JMJD6: variants seen among roughly 807,000 people sequenced by gnomAD.
The protein encoded by JMJD6 is jumonji domain containing 6, arginine demethylase and lysine hydroxylase.
In JMJD6, 17 loss-of-function variants were observed where a neutral mutation model predicts 45.8. The ratio of observed to expected loss-of-function variants is 0.37; its 90% CI spans 0.25 to 0.56. The LOEUF (loss-of-function observed/expected upper bound fraction) is 0.56, where lower values mean the gene tolerates loss of function less well. JMJD6 is among the 20% of genes least tolerant of loss of function. The probability of loss-of-function intolerance (pLI) is 0.79; values close to 1 mark genes in which losing one functional copy is unlikely to be tolerated. For missense variants in JMJD6, 470 were observed against 517.5 expected (o/e 0.91, Z 0.89); for synonymous variants, 221 against 196.3 (o/e 1.13, Z -1.05).
chr17:76,713,401 A>G (rs189337688), exon 7 of JMJD6: 8 of 152,262 alleles, frequency 5.3e-5, no homozygotes, highest in Admixed American at 1.3e-4. Flanking sequence ...CCTGGCCGAA[A>G]TTTCTGAACA....
chr17:76,716,401 T>A (rs1233336294), downstream of JMJD6: 2 of 392,126 alleles, frequency 5.1e-6, no homozygotes, highest in Non-Finnish European at 9.4e-6. Flanking sequence ...AGCCTTGTGG[T>A]TGACTGGCTC....
downstream of JMJD6, chr17:76,714,507 C>T (rs967735797): frequency 3.9e-5 from 6 of 152,338 alleles, no homozygotes; most frequent in Admixed American, 3.9e-4. Context: ...CCCGCCACCA[C>T]TCCACTCCTT....
chr17:76,718,510 T>A lies in JMJD6; in HGVS notation c.*219A>T, dbSNP rs2076784419. On this transcript the variant is annotated 3_prime_UTR_variant, in exon 6 of 6. Coordinates refer to ENST00000397625, the MANE Select transcript of JMJD6 (RefSeq NM_015167.3). ...AAGGATTTTCTTGGCACTATTCACA[T>A]TCTCTTGCCTGAGTAAAACAAGCCG... The A allele has an allele frequency of 3.0e-6, 4 of 1,351,108 alleles. No individual in the cohort carries two copies. The highest frequency in any genetic ancestry group is 3.0e-5 in the African/African-American group (2 of 66,750). The allele number at this position is 1,351,108 out of a possible 1,614,324, so 83.7% of individuals were successfully genotyped here. A position where few individuals can be genotyped will look rare whatever the true frequency, so the allele number is the denominator to read the frequency against.
chr17:76,723,444 CTTTTT>C (rs60972573), intron 3 of JMJD6, among the ~76,000 whole-genome samples: 1 of 137,902 alleles, frequency 7.3e-6, no homozygotes, highest in South Asian at 2.3e-4. Flanking sequence ...AATGTACTTT[CTTTTT>C]TTTTTTTTTG....
At chr17:76,715,201 G>C (rs762967206), downstream of JMJD6, 1 of 152,206 alleles carries the variant, frequency 6.6e-6, no homozygotes, top group African/African-American at 2.4e-5. Flanking sequence ...TTAAAAAGCA[G>C]GAGTAGCAAC....
rs1568004053 is a variant in JMJD6, at chr17:76,726,364, T to C, written c.112A>G (p.Ser38Gly). 3.1e-6 allele frequency: 5 copies of C among 1,592,966 alleles called. No individual in the cohort carries two copies. In the East Asian group the frequency reaches 1.2e-4, roughly 38 times the overall value. ...RHNYYESFSL[S>G]PAAVADNVER... Reference sequence around the variant, plus strand: ...CCGCTCACCGCCACGGCCGCCGGGCTCAGCGAGAAGCTCTCGTAGTAGTTG... The same window carrying C: ...CCGCTCACCGCCACGGCCGCCGGGCCCAGCGAGAAGCTCTCGTAGTAGTTG... The change falls in exon 1 of 6, where the codon AGC becomes GGC. Residue 38 changes from serine (S) to glycine (G), a missense_variant. Ser to Gly is a moderately conservative substitution (Grantham distance 56). This residue lies in a region of JMJD6 where 346 missense variants were observed against 339.5 expected (regional missense o/e 1.02). Transcript: ENST00000397625.
intron 4 of JMJD6, among the ~76,000 whole-genome samples, chr17:76,720,889 C>T (rs2076815595): frequency 6.6e-6 from 1 of 152,122 alleles, no homozygotes; most frequent in African/African-American, 2.4e-5. Flanking sequence ...CTTTCCTTTC[C>T]ACAGCACAGC....
At chr17:76,725,368 G>A (rs1045273562) in intron 2 of JMJD6, 99 bp downstream of exon 2, 32 of 1,165,390 alleles carry the variant, frequency 2.7e-5, no homozygotes, top group Middle Eastern at 2.9e-4. Context: ...ATCGCACCAC[G>A]GCACTGCAGC....
intron 5 of JMJD6, 66 bp downstream of exon 5, chr17:76,720,294 C>T: frequency 6.9e-7 from 1 of 1,447,084 alleles, no homozygotes; most frequent in Non-Finnish European, 9.7e-7. Context: ...AAGAGTCACA[C>T]CTGGTTATGA....
intron 3 of JMJD6, among the ~76,000 whole-genome samples, chr17:76,722,516 G>A (rs2076837677): frequency 6.6e-6 from 1 of 152,046 alleles, no homozygotes; most frequent in East Asian, 1.9e-4. Context: ...AAGGAGGCCA[G>A]CCTGGGTAAC....
rs771733762 is a variant in JMJD6, at chr17:76,718,657, G to T, written c.*72C>A. The T allele has an allele frequency of 2.5e-6, 4 of 1,571,162 alleles. No individual in the cohort carries two copies. Reference sequence around the variant, plus strand: ...AGGCCTCCCCTTGTCTGCAGGACTGGACAGGCCACCCTCCCCAGGCCCTGC... The same window carrying T: ...AGGCCTCCCCTTGTCTGCAGGACTGTACAGGCCACCCTCCCCAGGCCCTGC... On this transcript the variant is annotated 3_prime_UTR_variant, in exon 6 of 6. Transcript: ENST00000397625.
At position 76,726,354 on chromosome 17, in the gene JMJD6, G is replaced by C; in HGVS notation, c.122C>G (p.Ala41Gly). The change falls in exon 1 of 6, where the codon GCC becomes GGC. Residue 41 changes from alanine to glycine, a missense_variant. By Grantham distance (60) the Ala-to-Gly change is moderately conservative. Coordinates refer to ENST00000397625, the MANE Select transcript of JMJD6 (RefSeq NM_015167.3). ...CCCGCCCGACCCGCTCACCGCCACG[G>C]CCGCCGGGCTCAGCGAGAAGCTCTC... Reference protein sequence around the residue: ...YYESFSLSPAAVADNVERADA... With the variant: ...YYESFSLSPAGVADNVERADA... 6.3e-7 allele frequency: 1 copy of C among 1,583,364 alleles called. No individual in the cohort carries two copies. The highest frequency in any genetic ancestry group is 8.6e-7 in the Non-Finnish European group (1 of 1,167,746).
Position 76,725,855 on chromosome 17 carries a change from C to G in JMJD6, c.130G>C (p.Asp44His). ...SFSLSPAAVA[D>H]NVERADALQL... ...AAAGCATCTGCCCTTTCCACGTTAT[C>G]CTGAGGGAATTAAAAAAGACCTGTC... Residue 44 changes from aspartate (D) to histidine (H), a missense_variant and splice_region_variant, in exon 2 of 6, where the codon GAT becomes CAT. This residue lies in a region of JMJD6 where 346 missense variants were observed against 339.5 expected (regional missense o/e 1.02). Transcript: ENST00000397625. 6.3e-7 allele frequency: 1 copy of G among 1,589,516 alleles called. No homozygotes were observed. The highest frequency in any genetic ancestry group is 8.5e-7 in the Non-Finnish European group (1 of 1,172,820).
rs773019091 is a variant in JMJD6, at chr17:76,721,818, C to T, written c.921G>A (p.Lys307=). 1 of 1,614,032 alleles carries T rather than the reference C, an allele frequency of 6.2e-7. No homozygotes were observed. Among genetic ancestry groups the T allele is most frequent in the African/African-American group, 1.3e-5 (1 of 75,030 alleles). ...CTCACCTATACCATTTCCTTGATAA[C>T]TTTGGTCTCCCTCTTACCGTCTTGT... The part of the protein sequence containing the change: ...VWHKTVRGRP[K]LSRKWYRILK... The change falls in exon 4 of 6, where the codon AAG becomes AAA. Residue 307 remains lysine (K), a synonymous_variant. Coordinates refer to ENST00000397625, the MANE Select transcript of JMJD6 (RefSeq NM_015167.3).
At chr17:76,718,434 G>T, downstream of JMJD6, 1 of 1,313,980 alleles carries the variant, frequency 7.6e-7, no homozygotes, top group Non-Finnish European at 9.7e-7. Flanking sequence ...TATTCTCAAA[G>T]GAAAACATTT....
downstream of JMJD6, chr17:76,714,984 C>T (rs1224765145): frequency 1.3e-5 from 2 of 152,136 alleles, no homozygotes; most frequent in Non-Finnish European, 2.9e-5. Context: ...AATTTCTGCT[C>T]CCCTATCCAG....
chr17:76,719,975 C>T (rs2076802361), intron 5 of JMJD6, among the ~76,000 whole-genome samples: 1 of 152,022 alleles, frequency 6.6e-6, no homozygotes, highest in Non-Finnish European at 1.5e-5. Flanking sequence ...AGTTTATAGT[C>T]TCTACTAAAA....
At chr17:76,715,545 T>C (rs952068360), downstream of JMJD6, 1 of 152,244 alleles carries the variant, frequency 6.6e-6, no homozygotes, top group South Asian at 2.1e-4. Context: ...CTAGTGGATA[T>C]TTTGAGAGGC....
chr17:76,721,594 T>G (rs565939364), intron 4 of JMJD6, among the ~76,000 whole-genome samples: 1 of 152,260 alleles, frequency 6.6e-6, no homozygotes, highest in East Asian at 1.9e-4. Flanking sequence ...ATGCAGAGTC[T>G]CACCCTGCCA....
Sources: allele counts gnomAD v4.1 joint callset (sites outside exome capture counted in the v4.1 genomes callset), GRCh38; gene constraint gnomAD v4.1.1; regional missense constraint gnomAD v4.1.1; transcripts MANE v1.5; gene names NCBI Gene and HGNC (gene_info 2026-07-23, HGNC 2026-07-21).